The following BSN variants were observed in gnomAD, a reference collection of about 807,000 sequenced individuals.
BSN encodes protein bassoon.
Under a neutral mutation model 264.8 loss-of-function variants are expected in BSN, and 57 were observed. That is an observed-to-expected ratio of 0.22 (90% CI 0.17 to 0.27). The LOEUF (loss-of-function observed/expected upper bound fraction) is 0.27, where lower values mean the gene tolerates loss of function less well. Ranked by LOEUF, BSN falls within the 10% of genes least tolerant of loss-of-function variation. The probability of loss-of-function intolerance (pLI) is 1.00; values close to 1 mark genes in which losing one functional copy is unlikely to be tolerated. For missense variants in BSN, 4,615 were observed against 5,232.5 expected, an observed-to-expected ratio of 0.88 and a Z score of 3.64; for synonymous variants, 2,059 against 2,137.3, an observed-to-expected ratio of 0.96 and a Z score of 1.01.
intron 1 of BSN, 77 bp from the exon 2 acceptor site, chr3:49,624,898 C>T: frequency 7.2e-7 from 1 of 1,386,180 alleles, no homozygotes; most frequent in South Asian, 1.6e-5. Context: ...TTGGCAGGGT[C>T]ACCTAGCTTG....
intron 1 of BSN, among the ~76,000 whole-genome samples, chr3:49,605,734 T>C (rs2052127114): frequency 2.3e-5 from 1 of 44,394 alleles, no homozygotes; most frequent in Non-Finnish European, 4.0e-5. Context: ...ATGTATATAA[T>C]ATATAAATAT....
chr3:49,622,274 A>C (rs2052312536), intron 1 of BSN, among the ~76,000 whole-genome samples: 1 of 152,102 alleles, frequency 6.6e-6, no homozygotes, highest in Non-Finnish European at 1.5e-5. Context: ...GAGAGGATAT[A>C]AGGAAGCATC....
chr3:49,616,572 A>G (rs981927172), intron 1 of BSN, among the ~76,000 whole-genome samples: 2 of 152,132 alleles, frequency 1.3e-5, no homozygotes, highest in African/African-American at 4.8e-5. Flanking sequence ...CAAATCCTCA[A>G]CTGAAGGCGG....
rs762365279 is a variant in BSN at position 49,660,801 on chromosome 3, C to T, written c.8956C>T (p.Arg2986Cys). 9 of 1,613,158 alleles carry T rather than the reference C, an allele frequency of 5.6e-6. No homozygotes were observed. The highest frequency in any genetic ancestry group is 1.6e-4 in the Middle Eastern group (1 of 6,062). The change falls in exon 6 of 12, where the codon CGC becomes TGC. Residue 2986 changes from arginine (R) to cysteine (C), a missense_variant. Arg to Cys is a radical substitution (Grantham distance 180). Coordinates refer to ENST00000296452, the MANE Select transcript of BSN (RefSeq NM_003458.4). This position sits in a 1 kb window ranked among gnomAD's most constrained non-coding sequence, Gnocchi z 7.1. ...LKYLELGITQRKESLAKDRGG... is the reference protein window; with the variant it reads ...LKYLELGITQCKESLAKDRGG... The stretch of plus-strand genomic sequence containing the variant: ...GTACCTGGAGTTGGGTATCACACAA[C>T]GCAAAGAGTCTTTGGCCAAAGACCG...
Position 49,655,720 on chromosome 3 carries a change from C to A in BSN, c.6164C>A (p.Pro2055Gln). The change falls in exon 5 of 12, where the codon CCG (proline) becomes CAG (glutamine). Residue 2055 changes from proline (P) to glutamine (Q), a missense_variant. Transcript: ENST00000296452. ...LRHPTDLLAH[P>Q]LPMRRYSSVS... is the part of the protein sequence containing the mutation. ...CATCCTACAGACCTTTTGGCTCACC[C>A]GCTTCCCATGCGGCGCTATAGCTCA... is the stretch of plus-strand genomic sequence containing the variant. The A allele has an allele frequency of 6.2e-7, 1 of 1,613,522 alleles. No homozygotes were observed. Among genetic ancestry groups the A allele is most frequent in the Non-Finnish European group, 8.5e-7 (1 of 1,180,044 alleles).
In BSN at chr3:49,585,953, AT is replaced by A. The variant is rs2051934034; in HGVS notation, c.224+31134del. 6.6e-6 allele frequency among the ~76,000 whole-genome samples: 1 copy of A among 151,828 alleles called. No individual in the cohort carries two copies. Among genetic ancestry groups the A allele is most frequent in the Non-Finnish European group, 1.5e-5 (1 of 67,960 alleles). ...TGTTCATTTTTGATCGGATTATTAG[AT>A]TTTTTTCTATATAGTTGTTTGAGCT... On this transcript the variant is annotated intron_variant, in intron 1 of 11. Coordinates refer to ENST00000296452, the MANE Select transcript of BSN (RefSeq NM_003458.4). This position sits in a 1 kb window ranked among gnomAD's most constrained non-coding sequence, Gnocchi z 4.7.
intron 2 of BSN, among the ~76,000 whole-genome samples, chr3:49,631,642 G>A (rs2052384887): frequency 6.6e-6 from 1 of 152,080 alleles, no homozygotes; most frequent in Admixed American, 6.5e-5. Flanking sequence ...ATGGGAGGCA[G>A]TTGGAAAAAG....
In BSN at chr3:49,653,431, A is replaced by G; in HGVS notation, c.3875A>G (p.Asn1292Ser). 6.2e-7 allele frequency: 1 copy of G among 1,613,974 alleles called. No homozygotes were observed. Among genetic ancestry groups the G allele is most frequent in the Non-Finnish European group, 8.5e-7 (1 of 1,179,980 alleles). ...EDKKKEKQFLNAESAYMDPMK... is the reference protein window; with the variant it reads ...EDKKKEKQFLSAESAYMDPMK... Reference sequence around the variant, plus strand: ...AAAAAGAAGGAGAAGCAGTTTCTAAATGCTGAGAGTGCATACATGGACCCA... The same window carrying G: ...AAAAAGAAGGAGAAGCAGTTTCTAAGTGCTGAGAGTGCATACATGGACCCA... The change falls in exon 5 of 12, where the codon AAT (asparagine) becomes AGT (serine). Residue 1292 changes from asparagine to serine, a missense_variant. Coordinates refer to ENST00000296452, the MANE Select transcript of BSN (RefSeq NM_003458.4). The surrounding 1 kb of genome is among the most constrained non-coding windows in gnomAD (Gnocchi z 6.3).
rs1054997392 is a variant in BSN at position 49,625,788 on chromosome 3, G to T, written c.633+405G>T. On this transcript the variant is annotated intron_variant, in intron 2 of 11. Transcript: ENST00000296452. This position sits in a 1 kb window ranked among gnomAD's most constrained non-coding sequence, Gnocchi z 4.4. ...AAATTTCCCTGATCTAGGCCAGGAG[G>T]CCTCTGTCTTTGACAGCAGGCCCTA... 6.6e-6 allele frequency among the ~76,000 whole-genome samples: 1 copy of T among 152,240 alleles called. No homozygotes were observed. The highest frequency in any genetic ancestry group is 1.5e-5 in the Non-Finnish European group (1 of 68,044).
At position 49,652,329 on chromosome 3, in the gene BSN, C is replaced by T; in HGVS notation, c.2773C>T (p.Gln925Ter). ...AEATDGSGTL[Q>*]GGLRRFKTIE... is the part of the protein sequence containing the mutation. ...GGCTACCGATGGCAGTGGGACCCTGCAGGGTGGGCTCCGTCGCTTCAAGAC... is the reference window on the plus strand; with the variant it reads ...GGCTACCGATGGCAGTGGGACCCTGTAGGGTGGGCTCCGTCGCTTCAAGAC... Residue 925 changes from glutamine (Q) to a stop codon, truncating the protein, a stop_gained, in exon 5 of 12, where the codon CAG becomes TAG. Coordinates refer to ENST00000296452, the MANE Select transcript of BSN (RefSeq NM_003458.4). LOFTEE classifies it high-confidence loss of function. 1 of 1,601,766 alleles carries T rather than the reference C, an allele frequency of 6.2e-7. No individual in the cohort carries two copies. Among genetic ancestry groups the T allele is most frequent in the Non-Finnish European group, 8.5e-7 (1 of 1,173,490 alleles).
Position 49,656,976 on chromosome 3 carries a change from A to G in BSN, c.7420A>G (p.Lys2474Glu). 1 of 1,608,986 alleles carries G rather than the reference A, an allele frequency of 6.2e-7. No individual in the cohort carries two copies. The highest frequency in any genetic ancestry group is 8.5e-7 in the Non-Finnish European group (1 of 1,177,176). The change falls in exon 5 of 12, where the codon AAG becomes GAG. Residue 2474 changes from lysine to glutamate, a missense_variant. Lys to Glu is a moderately conservative substitution (Grantham distance 56, BLOSUM62 1). Around this residue, in one of 3 missense-constraint regions of BSN, gnomAD observed 3,415 missense variants for 3,866.4 expected, o/e 0.88. Transcript: ENST00000296452. Reference sequence around the variant, plus strand: ...GCTAGAGGAGCAGAAGCAGCGGCAGAAGGCTCCCTTTCCTGCAGCCTGTGA... The same window carrying G: ...GCTAGAGGAGCAGAAGCAGCGGCAGGAGGCTCCCTTTCCTGCAGCCTGTGA... ...QQLEEQKQRQ[K>E]APFPAACEAP...
chr3:49,663,595 G>C lies in BSN; in HGVS notation c.11437G>C (p.Ala3813Pro), dbSNP rs2052685278. ...GCCAACCACCCGGGGCTCAGCCCCT[G>C]CTGCCAGCCAGCCTGCAGGGAAGCC... ...SQPTTRGSAP[A>P]ASQPAGKPQP... Residue 3813 changes from alanine to proline, a missense_variant, in exon 7 of 12, where the codon GCT (alanine) becomes CCT (proline). By Grantham distance (27) the Ala-to-Pro change is conservative. Coordinates refer to ENST00000296452, the MANE Select transcript of BSN (RefSeq NM_003458.4). 6.2e-7 allele frequency: 1 copy of C among 1,606,954 alleles called. No homozygotes were observed. The highest frequency in any genetic ancestry group is 8.5e-7 in the Non-Finnish European group (1 of 1,177,642).
chr3:49,637,756 G>A (rs1430379897), intron 2 of BSN, among the ~76,000 whole-genome samples: 1 of 152,192 alleles, frequency 6.6e-6, no homozygotes, highest in Non-Finnish European at 1.5e-5. Context: ...TGCAAAGCCT[G>A]TAGGAAGGCT....
At chr3:49,583,467 G>A (rs1376303412) in intron 1 of BSN, among the ~76,000 whole-genome samples, 3 of 151,984 alleles carry the variant, frequency 2.0e-5, no homozygotes, top group Non-Finnish European at 2.9e-5. Context: ...ATTTTTGGCT[G>A]GGCACAGTGG....
At chr3:49,563,511 G>T (rs1260250356) in intron 1 of BSN, among the ~76,000 whole-genome samples, 2 of 152,230 alleles carry the variant, frequency 1.3e-5, no homozygotes, top group Non-Finnish European at 2.9e-5. Context: ...GCCTGAAAGA[G>T]ACTTTAGATC....
At chr3:49,617,000 T>G (rs2052264288) in intron 1 of BSN, among the ~76,000 whole-genome samples, 1 of 152,202 alleles carries the variant, frequency 6.6e-6, no homozygotes, top group South Asian at 2.1e-4. Flanking sequence ...CCTTCCTGCC[T>G]TGGCAAACAG....
chr3:49,672,654 T>TA (rs2108109291), downstream of BSN, among the ~76,000 whole-genome samples: 1 of 149,436 alleles, frequency 6.7e-6, no homozygotes, highest in African/African-American at 2.5e-5. Flanking sequence ...CTAATTTTTG[T>TA]ATTTTTAGTA....
chr3:49,652,331 G>A lies in BSN; in HGVS notation c.2775G>A (p.Gln925=). ...CTACCGATGGCAGTGGGACCCTGCA[G>A]GGTGGGCTCCGTCGCTTCAAGACCA... The part of the protein sequence containing the change: ...AEATDGSGTL[Q]GGLRRFKTIE... The change falls in exon 5 of 12, where the codon CAG becomes CAA. Residue 925 remains glutamine, a synonymous_variant. Transcript: ENST00000296452. The A allele has an allele frequency of 1.2e-6, 2 of 1,602,570 alleles. No homozygotes were observed. The highest frequency in any genetic ancestry group is 1.7e-6 in the Non-Finnish European group (2 of 1,173,868).
intron 1 of BSN, among the ~76,000 whole-genome samples, chr3:49,588,178 T>C (rs1301160846): frequency 6.6e-6 from 1 of 152,074 alleles, no homozygotes; most frequent in East Asian, 1.9e-4. Flanking sequence ...TGCCTCAGCT[T>C]CCCAAAGTGC....
Sources: allele counts gnomAD v4.1 joint callset (sites outside exome capture counted in the v4.1 genomes callset), GRCh38; gene constraint gnomAD v4.1.1; regional missense constraint gnomAD v4.1.1; non-coding constraint Gnocchi (gnomAD v3.1); transcripts MANE v1.5; gene names NCBI Gene and HGNC (gene_info 2026-07-23, HGNC 2026-07-21).